ACAD11: variants seen among roughly 807,000 people sequenced by gnomAD.
ACAD11 encodes acyl-CoA dehydrogenase family member 11.
In ACAD11, 83 loss-of-function variants were observed where a neutral mutation model predicts 102.2. The ratio of observed to expected loss-of-function variants is 0.81; its 90% CI spans 0.68 to 0.97. ACAD11 has a LOEUF of 0.97. Ranked by LOEUF, ACAD11 falls within the 50% of genes least tolerant of loss-of-function variation. The pLI is 0.00. For synonymous variants in ACAD11, 324 were observed against 319.8 expected (o/e 1.01, Z -0.14); for missense variants, 901 against 951.7 (o/e 0.95, Z 0.70).
chr3:132,614,287 T>C lies in ACAD11; in HGVS notation c.1414+4347A>G, dbSNP rs563740106. Among the ~76,000 whole-genome samples, 8 of 152,308 alleles carry C rather than the reference T, an allele frequency of 5.3e-5. No individual in the cohort carries two copies. In the East Asian group the frequency reaches 1.4e-3, roughly 26 times the overall value. ...AGATTCAATGCCATCCCCATCAAGC[T>C]ACCATTGACTTTCTTCACAGAATTA... On this transcript the variant is annotated intron_variant, in intron 11 of 19. Transcript: ENST00000264990.
At chr3:132,595,265 A>G (rs1938250441) in intron 13 of ACAD11, among the ~76,000 whole-genome samples, 1 of 152,202 alleles carries the variant, frequency 6.6e-6, no homozygotes, top group Non-Finnish European at 1.5e-5. Flanking sequence ...AAGCCCTGAT[A>G]GGATTGTGAC....
chr3:132,578,722 T>C (rs962961842), intron 15 of ACAD11, 74 bp downstream of exon 15: 30 of 1,482,624 alleles, frequency 2.0e-5, no homozygotes, highest in African/African-American at 2.8e-5. Flanking sequence ...ATTAAAATGC[T>C]ATTGCCTTCA....
At chr3:132,617,286 T>C (rs960601558) in intron 11 of ACAD11, among the ~76,000 whole-genome samples, 2 of 152,198 alleles carry the variant, frequency 1.3e-5, no homozygotes, top group East Asian at 3.9e-4. Flanking sequence ...GCTGGGAATC[T>C]AGATTTTTCA....
intron 13 of ACAD11, among the ~76,000 whole-genome samples, chr3:132,585,923 G>A (rs1451437835): frequency 1.3e-5 from 2 of 152,156 alleles, no homozygotes; most frequent in Non-Finnish European, 2.9e-5. Flanking sequence ...CATTGTGGAA[G>A]TCAGTGTGGT....
At chr3:132,560,250 C>T (rs548900333) in intron 18 of ACAD11, among the ~76,000 whole-genome samples, 1 of 152,226 alleles carries the variant, frequency 6.6e-6, no homozygotes, top group Non-Finnish European at 1.5e-5. Context: ...GTCCAAGGGT[C>T]TTTGCGCTAT....
intron 4 of ACAD11, among the ~76,000 whole-genome samples, chr3:132,640,361 T>C (rs1051630858): frequency 1.3e-5 from 2 of 152,188 alleles, no homozygotes; most frequent in African/African-American, 2.4e-5. Flanking sequence ...GTCCTGGGAT[T>C]ACAAGCTTCA....
intron 17 of ACAD11, among the ~76,000 whole-genome samples, chr3:132,562,200 G>A (rs911049528): frequency 2.6e-5 from 4 of 152,184 alleles, no homozygotes; most frequent in African/African-American, 9.7e-5. Flanking sequence ...CACCTTCTGG[G>A]TTCAAGCGAT....
intron 13 of ACAD11, chr3:132,600,855 C>T: frequency 1.9e-6 from 3 of 1,613,962 alleles, no homozygotes; most frequent in Non-Finnish European, 1.7e-6. Context: ...GTGGGAAAAC[C>T]ATGCTGGATC....
At chr3:132,601,971 A>G (rs1300455288) in intron 13 of ACAD11, 4 of 177,798 alleles carry the variant, frequency 2.2e-5, no homozygotes, top group African/African-American at 9.7e-5. Context: ...AAAAAAACCC[A>G]CTATGCTATA....
At chr3:132,561,063 T>G (rs750209955) in intron 18 of ACAD11, 38 bp downstream of exon 18, 1 of 1,510,344 alleles carries the variant, frequency 6.6e-7, no homozygotes, top group South Asian at 1.1e-5. Flanking sequence ...TGGAGAAGGC[T>G]CAGCAGTTGG....
chr3:132,647,538 C>A (rs1357109649), intron 1 of ACAD11: 1 of 152,140 alleles, frequency 6.6e-6, no homozygotes, highest in Non-Finnish European at 1.5e-5. Flanking sequence ...GCATTGGTTC[C>A]CTTAGAAGCA....
At chr3:132,620,979 A>C (rs1939586125) in intron 9 of ACAD11, among the ~76,000 whole-genome samples, 1 of 152,244 alleles carries the variant, frequency 6.6e-6, no homozygotes. Flanking sequence ...GAAAGACCTG[A>C]AGAAATTACT....
In ACAD11 at chr3:132,659,652, A is replaced by G; in HGVS notation, c.100T>C (p.Ser34Pro). Residue 34 changes from serine to proline, a missense_variant, in exon 1 of 20, where the codon TCT (serine) becomes CCT (proline). Physicochemically the swap from Ser to Pro is moderately conservative, Grantham distance 74. Transcript: ENST00000264990. ...GCCTCACGTTCGGCCCCAAAGCCAG[A>G]CAAGTGCTGGTTTAGGTAGGCCTCC... ...SLEAYLNQHLSGFGAEREATL... is the reference protein window; with the variant it reads ...SLEAYLNQHLPGFGAEREATL... 3.1e-6 allele frequency: 5 copies of G among 1,611,578 alleles called. No homozygotes were observed. The highest frequency in any genetic ancestry group is 1.7e-4 in the Middle Eastern group (1 of 6,056).
chr3:132,621,957 T>C (rs1370713211), intron 9 of ACAD11, among the ~76,000 whole-genome samples: 1 of 133,756 alleles, frequency 7.5e-6, no homozygotes. Context: ...GCAGCCTGGG[T>C]GACAGAATGA....
chr3:132,594,397 A>G (rs1938212493), intron 13 of ACAD11, among the ~76,000 whole-genome samples: 1 of 152,176 alleles, frequency 6.6e-6, no homozygotes, highest in Non-Finnish European at 1.5e-5. Flanking sequence ...TAAGATGATA[A>G]AATAGACTAA....
chr3:132,649,089 C>T (rs971718884), intron 1 of ACAD11, among the ~76,000 whole-genome samples: 1 of 152,368 alleles, frequency 6.6e-6, no homozygotes, highest in Non-Finnish European at 1.5e-5. Context: ...CAATGCACTG[C>T]GGAAAGCCGC....
intron 5 of ACAD11, among the ~76,000 whole-genome samples, chr3:132,634,799 G>C (rs1328009609): frequency 1.3e-5 from 2 of 149,602 alleles, no homozygotes; most frequent in African/African-American, 4.9e-5. Flanking sequence ...GCAAACTATC[G>C]CAAGGACAAA....
chr3:132,634,059 G>A (rs1940166473), intron 5 of ACAD11, among the ~76,000 whole-genome samples: 1 of 152,106 alleles, frequency 6.6e-6, no homozygotes, highest in African/African-American at 2.4e-5. Flanking sequence ...TGACAAATAG[G>A]ATCTAATTAA....
intron 5 of ACAD11, among the ~76,000 whole-genome samples, chr3:132,633,771 A>T (rs1403745758): frequency 3.9e-5 from 6 of 152,150 alleles, no homozygotes; most frequent in Non-Finnish European, 5.9e-5. Context: ...CAACTATCTG[A>T]TCTCTGACAA....
Sources: gnomAD v4.1 joint callset for allele counts (sites outside exome capture counted in the v4.1 genomes callset) on GRCh38, gnomAD v4.1.1 for gene constraint, MANE v1.5 for transcripts, NCBI Gene and HGNC (gene_info 2026-07-23, HGNC 2026-07-21) for gene names.